The following DTWD2 variants were observed in gnomAD, a reference collection of about 807,000 sequenced individuals.
DTWD2 encodes the protein tRNA-uridine aminocarboxypropyltransferase 2.
A neutral mutation model predicts 31.8 loss-of-function variants in DTWD2; 39 were observed. The observed-to-expected ratio is 1.22, with a 90% CI of 0.95 to 1.60. DTWD2 has a LOEUF of 1.60. Among genes scored for constraint, DTWD2 ranks in the 40% most tolerant of loss-of-function variants. The pLI is 0.00. For synonymous variants in DTWD2, 180 were observed against 142.8 expected (o/e 1.26, Z -1.86); for missense variants, 515 against 381.5 (o/e 1.35, Z -2.92).
intron 1 of DTWD2, among the ~76,000 whole-genome samples, chr5:118,956,596 T>C (rs191286500): frequency 6.6e-6 from 1 of 152,320 alleles, no homozygotes; most frequent in East Asian, 1.9e-4. Context: ...TTAAATTTCT[T>C]ATATAATATT....
intron 1 of DTWD2, among the ~76,000 whole-genome samples, chr5:118,977,093 A>G (rs928478764): frequency 1.3e-5 from 2 of 152,226 alleles, no homozygotes; most frequent in Non-Finnish European, 2.9e-5. Flanking sequence ...AAACCACATG[A>G]TTATCTCAAA....
intron 4 of DTWD2, among the ~76,000 whole-genome samples, chr5:118,904,076 A>T (rs1753274028): frequency 6.6e-6 from 1 of 152,216 alleles, no homozygotes; most frequent in Non-Finnish European, 1.5e-5. Flanking sequence ...AAAGACATTT[A>T]AAACAATGAT....
chr5:118,934,860 G>C (rs574013848), intron 3 of DTWD2, among the ~76,000 whole-genome samples: 1 of 152,092 alleles, frequency 6.6e-6, no homozygotes, highest in African/African-American at 2.4e-5. Flanking sequence ...TTAAGACAAA[G>C]AGTATTACCA....
intron 4 of DTWD2, among the ~76,000 whole-genome samples, chr5:118,857,828 T>G (rs1752173698): frequency 6.6e-6 from 1 of 152,222 alleles, no homozygotes; most frequent in Non-Finnish European, 1.5e-5. Flanking sequence ...AAGTCTTTCC[T>G]CTGTAGCAGA....
At chr5:118,913,701 G>A (rs1001722748) in intron 4 of DTWD2, among the ~76,000 whole-genome samples, 5 of 151,666 alleles carry the variant, frequency 3.3e-5, no homozygotes, top group African/African-American at 4.8e-5. Flanking sequence ...TAAAAACTGG[G>A]AAACTACAGA....
chr5:118,976,515 A>G (rs1256583271), intron 1 of DTWD2, among the ~76,000 whole-genome samples: 1 of 152,134 alleles, frequency 6.6e-6, no homozygotes, highest in Non-Finnish European at 1.5e-5. Context: ...GGTATCACCA[A>G]TGATCCCACA....
intron 4 of DTWD2, among the ~76,000 whole-genome samples, chr5:118,909,167 T>C (rs967256496): frequency 2.0e-5 from 3 of 152,222 alleles, no homozygotes; most frequent in African/African-American, 4.8e-5. Flanking sequence ...CTGAGTCACC[T>C]GGAAACAGCT....
intron 1 of DTWD2, among the ~76,000 whole-genome samples, chr5:118,955,732 T>C (rs1011921100): frequency 2.6e-4 from 39 of 151,800 alleles, no homozygotes; most frequent in African/African-American, 8.7e-4. Flanking sequence ...TTTGAGGCTG[T>C]AGTAGTACAA....
chr5:118,860,788 A>G (rs1343674610), intron 4 of DTWD2, among the ~76,000 whole-genome samples: 1 of 152,152 alleles, frequency 6.6e-6, no homozygotes, highest in Non-Finnish European at 1.5e-5. Flanking sequence ...CATATATCTA[A>G]GGGCTCATTT....
chr5:118,976,028 T>G (rs775864915), intron 1 of DTWD2, among the ~76,000 whole-genome samples: 2 of 152,170 alleles, frequency 1.3e-5, no homozygotes, highest in Non-Finnish European at 2.9e-5. Flanking sequence ...AACTCAGAAT[T>G]AAGAAACTCA....
chr5:118,920,422 C>T (rs1212243349), intron 4 of DTWD2, among the ~76,000 whole-genome samples: 1 of 151,986 alleles, frequency 6.6e-6, no homozygotes, highest in African/African-American at 2.4e-5. Flanking sequence ...ACTCTTAACG[C>T]TAAATATCTA....
chr5:118,862,716 TG>T (rs1283091663), intron 4 of DTWD2, among the ~76,000 whole-genome samples: 1 of 152,178 alleles, frequency 6.6e-6, no homozygotes, highest in East Asian at 1.9e-4. Flanking sequence ...ACCCCCAATT[TG>T]TTCAGATGTT....
chr5:118,846,937 C>A (rs73792411), intron 5 of DTWD2, among the ~76,000 whole-genome samples: 1 of 127,700 alleles, frequency 7.8e-6, no homozygotes, highest in South Asian at 2.1e-4. Context: ...CACACACACA[C>A]ACACACACAC....
At chr5:118,854,165 T>C (rs1428822669) in intron 4 of DTWD2, among the ~76,000 whole-genome samples, 4 of 152,132 alleles carry the variant, frequency 2.6e-5, no homozygotes, top group Non-Finnish European at 5.9e-5. Flanking sequence ...TTATGAAAAA[T>C]GGAATACATT....
chr5:118,956,562 C>CA (rs1342522058), intron 1 of DTWD2, among the ~76,000 whole-genome samples: 3 of 152,006 alleles, frequency 2.0e-5, no homozygotes, highest in African/African-American at 4.8e-5. Flanking sequence ...CTAGGACCTA[C>CA]AAAAAAATCT....
chr5:118,849,509 A>T (rs1367184119), intron 4 of DTWD2, among the ~76,000 whole-genome samples: 2 of 152,242 alleles, frequency 1.3e-5, no homozygotes, highest in Non-Finnish European at 2.9e-5. Context: ...CATTTGACCC[A>T]GCAATCCCAT....
At chr5:118,928,435 A>C in intron 4 of DTWD2, 102 bp downstream of exon 4, 1 of 805,908 alleles carries the variant, frequency 1.2e-6, no homozygotes, top group Non-Finnish European at 1.7e-6. Context: ...AAATACCACC[A>C]AATTCATATA....
intron 1 of DTWD2, among the ~76,000 whole-genome samples, chr5:118,966,430 T>A (rs1217805475): frequency 6.6e-6 from 1 of 152,220 alleles, no homozygotes; most frequent in Non-Finnish European, 1.5e-5. Flanking sequence ...AGAAAAAATA[T>A]ATATTTTTAA....
At position 118,840,792 on chromosome 5, in the gene DTWD2, G is replaced by C; in HGVS notation, c.*125C>G. The C allele has an allele frequency of 1.0e-6, 1 of 958,256 alleles. No homozygotes were observed. Among genetic ancestry groups the C allele is most frequent in the Non-Finnish European group, 1.4e-6 (1 of 703,390 alleles). The allele number at this position is 958,256 out of a possible 1,614,324, so 59.4% of individuals were successfully genotyped here. A position where few individuals can be genotyped will look rare whatever the true frequency, so the allele number is the denominator to read the frequency against. On this transcript the variant is annotated 3_prime_UTR_variant, in exon 6 of 6. Coordinates refer to ENST00000510708, the MANE Select transcript of DTWD2 (RefSeq NM_173666.4). The stretch of plus-strand genomic sequence containing the variant: ...ATATTTGGTTTACTTCCTTCTTCTG[G>C]GTAAGATTAGTATGCAATTCTCCTT...
Sources: gnomAD v4.1 joint callset for allele counts (sites outside exome capture counted in the v4.1 genomes callset) on GRCh38, gnomAD v4.1.1 for gene constraint, MANE v1.5 for transcripts, NCBI Gene and HGNC (gene_info 2026-07-23, HGNC 2026-07-21) for gene names.